SULT1B1: variants seen among roughly 807,000 people sequenced by gnomAD.
SULT1B1 encodes the protein sulfotransferase family 1B member 1.
Under a neutral mutation model 34.6 loss-of-function variants are expected in SULT1B1, and 28 were observed. The observed-to-expected ratio is 0.81, with a 90% CI of 0.60 to 1.11. The LOEUF (loss-of-function observed/expected upper bound fraction) is 1.11. Among genes scored for constraint, SULT1B1 ranks in the 50% least tolerant of loss-of-function variants. The probability of loss-of-function intolerance (pLI) is 0.00; values close to 1 mark genes in which losing one functional copy is unlikely to be tolerated. For missense variants in SULT1B1, 374 were observed against 352.2 expected (o/e 1.06, Z -0.50); for synonymous variants, 147 against 110.2 (o/e 1.33, Z -2.09).
Position 69,733,412 on chromosome 4 carries a change from C to A in SULT1B1, c.597+1G>T. On this transcript the variant is annotated splice_donor_variant, in intron 6 of 7. Transcript: ENST00000310613. LOFTEE classifies it high-confidence loss of function. ...TCCAGAATCCATATCTACCATTTTA[C>A]CTCTTTCATATCTTCATAGTACAAA... 1 of 1,581,268 alleles carries A rather than the reference C, an allele frequency of 6.3e-7. No homozygotes were observed. The highest frequency in any genetic ancestry group is 8.6e-7 in the Non-Finnish European group (1 of 1,162,518).
rs956304133 is a variant in SULT1B1, at chr4:69,754,683, T to A, written c.264A>T (p.Gly88=). The A allele has an allele frequency of 6.2e-7, 1 of 1,612,966 alleles. No individual in the cohort carries two copies. The highest frequency in any genetic ancestry group is 1.3e-5 in the African/African-American group (1 of 74,900). The change falls in exon 3 of 8, where the codon GGA becomes GGT. Residue 88 remains glycine, a synonymous_variant. Coordinates refer to ENST00000310613, the MANE Select transcript of SULT1B1 (RefSeq NM_014465.4). ...GGTTAAATTTACCTGATGTTCTTAA[T>A]CCAGGGAGAGTCATTTCCAACATTG... is the stretch of plus-strand genomic sequence containing the variant. ...KVPMLEMTLP[G]LRTSGIEQLE... is the part of the protein sequence containing the mutation.
intron 4 of SULT1B1, among the ~76,000 whole-genome samples, chr4:69,737,158 C>T (rs77926270): frequency 0.043 from 6,549 of 152,202 alleles, 205 homozygotes; most frequent in East Asian, 0.07. Flanking sequence ...ACAAGTTTCT[C>T]ATCTAAAACC....
At chr4:69,760,188 T>C (rs774960226) in intron 1 of SULT1B1, 55 of 979,816 alleles carry the variant, frequency 5.6e-5, no homozygotes, top group Non-Finnish European at 6.7e-5. Flanking sequence ...AAAAGATTTC[T>C]TTTTCTTTAA....
chr4:69,738,684 T>A (rs1718415241), intron 4 of SULT1B1, among the ~76,000 whole-genome samples: 1 of 152,160 alleles, frequency 6.6e-6, no homozygotes, highest in African/African-American at 2.4e-5. Flanking sequence ...TCCTCACATT[T>A]CAAAACACAA....
In SULT1B1 at chr4:69,724,670, G is replaced by C. The variant is rs1483128817; in HGVS notation, c.*2418C>G. The C allele has an allele frequency of 6.6e-6, 1 of 152,230 alleles. No individual in the cohort carries two copies. Among genetic ancestry groups the C allele is most frequent in the African/African-American group, 2.4e-5 (1 of 41,432 alleles). The allele number at this position is 152,230 out of a possible 1,614,324, so 9.4% of individuals were successfully genotyped here. On this transcript the variant is annotated 3_prime_UTR_variant, in exon 8 of 8. Coordinates refer to ENST00000310613, the MANE Select transcript of SULT1B1 (RefSeq NM_014465.4). Reference sequence around the variant, plus strand: ...AACAGCATGGTACTGGACCAAAACAGAGATATAGACCAATGGAACAGAACA... The same window carrying C: ...AACAGCATGGTACTGGACCAAAACACAGATATAGACCAATGGAACAGAACA...
rs907046241 is a variant in SULT1B1 at position 69,724,045 on chromosome 4, A to T, written c.*3043T>A. On this transcript the variant is annotated 3_prime_UTR_variant, in exon 8 of 8. Transcript: ENST00000310613. The stretch of plus-strand genomic sequence containing the variant: ...GCCAGGGCAATCAGGCAGGAGAAAG[A>T]AATAAAGGGTATTCAATTAGGAGAA... 9 of 152,210 alleles carry T rather than the reference A, an allele frequency of 5.9e-5. No individual in the cohort carries two copies. Among genetic ancestry groups the T allele is most frequent in the African/African-American group, 2.2e-4 (9 of 41,438 alleles). The allele number at this position is 152,210 out of a possible 1,614,324, so 9.4% of individuals were successfully genotyped here. A position where few individuals can be genotyped will look rare whatever the true frequency, so the allele number is the denominator to read the frequency against.
chr4:69,725,824 A>G lies in SULT1B1; in HGVS notation c.*1264T>C, dbSNP rs1450749687. ...AGTCATTGGTGGGAATTGAACGATG[A>G]GAACACTTGGACACAGGAAAGGTAA... On this transcript the variant is annotated 3_prime_UTR_variant, in exon 8 of 8. Transcript: ENST00000310613. 6.6e-6 allele frequency: 1 copy of G among 151,294 alleles called. No homozygotes were observed. The highest frequency in any genetic ancestry group is 1.5e-5 in the Non-Finnish European group (1 of 67,878). 9.4% of individuals were successfully genotyped at this position (151,294 alleles called of 1,614,324 possible).
At chr4:69,755,984 T>C (rs1446455808) in intron 1 of SULT1B1, among the ~76,000 whole-genome samples, 1 of 152,152 alleles carries the variant, frequency 6.6e-6, no homozygotes, top group Non-Finnish European at 1.5e-5. Context: ...AGCTTTTCTC[T>C]GTGTGTGTTT....
rs1284518838 is a variant in SULT1B1 at position 69,754,701 on chromosome 4, C to T, written c.246G>A (p.Leu82=). Residue 82 remains leucine (L), a synonymous_variant, in exon 3 of 8, where the codon TTG becomes TTA. Coordinates refer to ENST00000310613, the MANE Select transcript of SULT1B1 (RefSeq NM_014465.4). ...TTCTTAATCCAGGGAGAGTCATTTCCAACATTGGAACTTTTTCAGTAATAA... is the reference window on the plus strand; with the variant it reads ...TTCTTAATCCAGGGAGAGTCATTTCTAACATTGGAACTTTTTCAGTAATAA... The part of the protein sequence containing the change: ...RGFITEKVPM[L]EMTLPGLRTS... The T allele has an allele frequency of 1.9e-6, 3 of 1,612,416 alleles. No individual in the cohort carries two copies. The highest frequency in any genetic ancestry group is 2.2e-5 in the South Asian group (2 of 90,908).
intron 4 of SULT1B1, among the ~76,000 whole-genome samples, chr4:69,747,163 G>A (rs896479376): frequency 5.9e-5 from 9 of 152,166 alleles, no homozygotes; most frequent in Non-Finnish European, 1.3e-4. Flanking sequence ...GAGATGACAT[G>A]GGAGAGTGTA....
In SULT1B1 at chr4:69,725,746, T is replaced by C. The variant is rs916852935; in HGVS notation, c.*1342A>G. On this transcript the variant is annotated 3_prime_UTR_variant, in exon 8 of 8. Transcript: ENST00000310613. ...GGGACATGGATAAAGCTGGAAACCA[T>C]ACTTTTCAGCAAACTATTGCAAGAA... The C allele has an allele frequency of 1.3e-5, 2 of 151,786 alleles. No homozygotes were observed. The highest frequency in any genetic ancestry group is 4.8e-5 in the African/African-American group (2 of 41,314). 9.4% of individuals were successfully genotyped at this position (151,786 alleles called of 1,614,324 possible).
intron 3 of SULT1B1, among the ~76,000 whole-genome samples, chr4:69,751,501 G>C (rs1718979968): frequency 6.6e-6 from 1 of 152,164 alleles, no homozygotes; most frequent in Non-Finnish European, 1.5e-5. Context: ...GCCCAGGCTG[G>C]AGTGCAGTGG....
At chr4:69,744,282 C>T (rs528977451) in intron 4 of SULT1B1, among the ~76,000 whole-genome samples, 120 of 152,292 alleles carry the variant, frequency 7.9e-4, no homozygotes, top group African/African-American at 2.9e-3. Flanking sequence ...CTCTGTGTTT[C>T]CCCTCAGCGG....
intron 4 of SULT1B1, among the ~76,000 whole-genome samples, chr4:69,747,808 T>C (rs982912872): frequency 1.3e-5 from 2 of 152,144 alleles, no homozygotes; most frequent in African/African-American, 2.4e-5. Flanking sequence ...TCACTCCTTC[T>C]CTAGGAGCTG....
At chr4:69,743,562 C>A (rs1478321808) in intron 4 of SULT1B1, among the ~76,000 whole-genome samples, 2 of 152,166 alleles carry the variant, frequency 1.3e-5, no homozygotes, top group Non-Finnish European at 2.9e-5. Flanking sequence ...CCCCTTCTGC[C>A]CAGGAGCCTG....
At position 69,744,440 on chromosome 4, in the gene SULT1B1, G is replaced by A. The variant is rs550347318; in HGVS notation, c.375+5281C>T. ...CATGGGGCACAGGGGTCCCACTGCC[G>A]CCTTTGCTGTTCCTGCAGCCGCTCC... On this transcript the variant is annotated intron_variant, in intron 4 of 7. Transcript: ENST00000310613. 1.3e-4 allele frequency among the ~76,000 whole-genome samples: 20 copies of A among 152,222 alleles called. No individual in the cohort carries two copies. The East Asian group carries it at 2.3e-3, about 18-fold the overall frequency.
At chr4:69,727,351 A>C in intron 7 of SULT1B1, 151 bp from the exon 8 acceptor site, 1 of 480,064 alleles carries the variant, frequency 2.1e-6, no homozygotes, top group South Asian at 6.5e-5. Flanking sequence ...TTAACCTTTA[A>C]ATTTTTCAGG....
chr4:69,744,166 A>G (rs925370828), intron 4 of SULT1B1, among the ~76,000 whole-genome samples: 2 of 151,294 alleles, frequency 1.3e-5, no homozygotes, highest in Non-Finnish European at 2.9e-5. Flanking sequence ...CTGCTCCCCC[A>G]TTGGCGGGTG....
chr4:69,759,099 C>T (rs1719298969), intron 1 of SULT1B1, among the ~76,000 whole-genome samples: 1 of 152,174 alleles, frequency 6.6e-6, no homozygotes, highest in Admixed American at 6.5e-5. Context: ...AATTCAGGGT[C>T]TTTTAAAACA....
Sources: allele counts gnomAD v4.1 joint callset (sites outside exome capture counted in the v4.1 genomes callset), GRCh38; gene constraint gnomAD v4.1.1; transcripts MANE v1.5; gene names NCBI Gene and HGNC (gene_info 2026-07-23, HGNC 2026-07-21).